Variants in SYN3 observed in about 807,000 individuals in gnomAD.
The protein encoded by SYN3 is synapsin III.
Under a neutral mutation model 65.8 loss-of-function variants are expected in SYN3, and 35 were observed. The observed-to-expected ratio is 0.53, with a 90% confidence interval of 0.41 to 0.70. The LOEUF (loss-of-function observed/expected upper bound fraction) is 0.70. Among genes scored for constraint, SYN3 ranks in the 30% least tolerant of loss-of-function variants. The pLI, the probability that SYN3 is intolerant of heterozygous loss-of-function variation, is 0.00. For synonymous variants in SYN3, 270 were observed against 292.9 expected, an observed-to-expected ratio of 0.92 and a Z score of 0.80; for missense variants, 680 against 749.0, an observed-to-expected ratio of 0.91 and a Z score of 1.08.
Position 32,513,751 on chromosome 22 carries a change from C to T in SYN3, c.1684G>A (p.Ala562Thr), listed in dbSNP as rs777411783. 55 of 1,614,056 alleles carry T rather than the reference C, an allele frequency of 3.4e-5. No individual in the cohort carries two copies. Among genetic ancestry groups the T allele is most frequent in the Non-Finnish European group, 4.3e-5 (51 of 1,180,046 alleles). ...AGGTTGCGGATGGTTTCAGCCTTGG[C>T]CTCGTCTTCACTTGGGGTCCCACGC... Reference protein sequence around the residue: ...SQRGTPSEDEAKAETIRNLRK... With the variant: ...SQRGTPSEDETKAETIRNLRK... Residue 562 changes from alanine to threonine, a missense_variant, in exon 14 of 14, where the codon GCC becomes ACC. Transcript: ENST00000358763.
intron 1 of SYN3, among the ~76,000 whole-genome samples, chr22:33,028,639 CATG>C (rs1233659693): frequency 5.3e-5 from 4 of 74,796 alleles, no homozygotes; most frequent in Admixed American, 2.2e-4. Context: ...TAATAAGAAC[CATG>C]ATGGTGGTGG....
At chr22:32,997,388 A>G (rs1407629555) in intron 2 of SYN3, among the ~76,000 whole-genome samples, 1 of 152,196 alleles carries the variant, frequency 6.6e-6, no homozygotes, top group Non-Finnish European at 1.5e-5. Flanking sequence ...ACTCTTCAGC[A>G]TCTATCTCGT....
intron 6 of SYN3, among the ~76,000 whole-genome samples, chr22:32,830,953 GT>G (rs201162932): frequency 7.2e-5 from 11 of 151,756 alleles, no homozygotes; most frequent in Admixed American, 1.3e-4. Context: ...AAAAATGTGT[GT>G]TTTTTTTTCC....
At chr22:32,680,242 G>A (rs2060505597) in intron 6 of SYN3, among the ~76,000 whole-genome samples, 1 of 152,136 alleles carries the variant, frequency 6.6e-6, no homozygotes, top group Non-Finnish European at 1.5e-5. Flanking sequence ...TGTGGCTCCA[G>A]CTCAAATTCA....
chr22:32,850,846 T>C (rs1402398371), intron 6 of SYN3, among the ~76,000 whole-genome samples: 1 of 152,082 alleles, frequency 6.6e-6, no homozygotes, highest in East Asian at 1.9e-4. Flanking sequence ...AATGTCCAGG[T>C]AGAAGGGAGT....
At chr22:32,890,345 G>T (rs2049409939) in intron 4 of SYN3, among the ~76,000 whole-genome samples, 1 of 151,960 alleles carries the variant, frequency 6.6e-6, no homozygotes, top group Non-Finnish European at 1.5e-5. Context: ...CAAATGCTGG[G>T]GTTACAGGTT....
chr22:32,599,563 C>T (rs1274962154), intron 6 of SYN3, among the ~76,000 whole-genome samples: 7 of 152,010 alleles, frequency 4.6e-5, no homozygotes, highest in African/African-American at 1.7e-4. Flanking sequence ...CCTCGTGATC[C>T]GCCCGCCTCA....
At chr22:32,543,167 T>C (rs2058285860) in intron 7 of SYN3, among the ~76,000 whole-genome samples, 1 of 152,184 alleles carries the variant, frequency 6.6e-6, no homozygotes, top group African/African-American at 2.4e-5. Context: ...CCCACTCACA[T>C]TTCCACCAGC....
chr22:32,880,432 G>C (rs907456242), intron 4 of SYN3, among the ~76,000 whole-genome samples: 1 of 152,216 alleles, frequency 6.6e-6, no homozygotes, highest in African/African-American at 2.4e-5. Context: ...TGGTCTACAG[G>C]GGGGCTCTGG....
intron 4 of SYN3, among the ~76,000 whole-genome samples, chr22:32,907,974 T>C (rs966476616): frequency 3.3e-5 from 5 of 152,214 alleles, no homozygotes; most frequent in Admixed American, 6.5e-5. Context: ...ATTTTACAAA[T>C]GGTGAAACTA....
At chr22:32,664,450 T>C (rs916677731) in intron 6 of SYN3, among the ~76,000 whole-genome samples, 2 of 152,082 alleles carry the variant, frequency 1.3e-5, no homozygotes, top group African/African-American at 2.4e-5. Context: ...TATTTATTTA[T>C]TTATTATTTT....
chr22:32,913,077 G>T (rs1274810235), intron 4 of SYN3, among the ~76,000 whole-genome samples: 2 of 152,136 alleles, frequency 1.3e-5, no homozygotes, highest in Non-Finnish European at 2.9e-5. Context: ...AGCTTTGCAC[G>T]TGTAGGGGCA....
chr22:32,786,664 G>A lies in SYN3; in HGVS notation c.711+78251C>T, dbSNP rs866505223. On this transcript the variant is annotated intron_variant, in intron 6 of 13. Transcript: ENST00000358763. ...GGCGTGAGCCACCACGCCCGGCCCTGCAACTTATTCTTAAACAACCTAAAG... is the reference window on the plus strand; with the variant it reads ...GGCGTGAGCCACCACGCCCGGCCCTACAACTTATTCTTAAACAACCTAAAG... Among the ~76,000 whole-genome samples the A allele has an allele frequency of 2.0e-5, 3 of 152,170 alleles. No individual in the cohort carries two copies. In the South Asian group the frequency reaches 6.2e-4, roughly 32 times the overall value.
chr22:32,720,952 G>A (rs1489196369), intron 6 of SYN3, among the ~76,000 whole-genome samples: 1 of 152,188 alleles, frequency 6.6e-6, no homozygotes, highest in Non-Finnish European at 1.5e-5. Flanking sequence ...TGTGGCCCCA[G>A]AGAAAGGGGA....
chr22:32,639,494 G>C (rs77809965), intron 6 of SYN3, among the ~76,000 whole-genome samples: 1 of 151,990 alleles, frequency 6.6e-6, no homozygotes, highest in Non-Finnish European at 1.5e-5. Context: ...TTTTGGTTAC[G>C]GTAGCCTCTT....
rs758740145 is a variant in SYN3 at position 32,931,392 on chromosome 22, C to T, written c.459G>A (p.Val153=). The T allele has an allele frequency of 5.0e-6, 8 of 1,609,456 alleles. No individual in the cohort carries two copies. The highest frequency in any genetic ancestry group is 6.8e-6 in the Non-Finnish European group (8 of 1,175,856). The change falls in exon 4 of 14, where the codon GTG becomes GTA. Residue 153 remains valine (V), a splice_region_variant and synonymous_variant. Transcript: ENST00000358763. ...MQVVRNGTKV[V]SRSFKPDFIL... is the part of the protein sequence containing the mutation. Reference sequence around the variant, plus strand: ...CTGCATATTTTAATCCTACTTACCTCACCACTTTGGTCCCATTTCTCACGA... The same window carrying T: ...CTGCATATTTTAATCCTACTTACCTTACCACTTTGGTCCCATTTCTCACGA...
chr22:32,990,476 C>G lies in SYN3; in HGVS notation c.312-9774G>C, dbSNP rs1484753204. The stretch of plus-strand genomic sequence containing the variant: ...TCCATCCGCCCACCTACCCACCCAT[C>G]TACCCATCCATCCACACATTCGCCC... On this transcript the variant is annotated intron_variant, in intron 2 of 13. Transcript: ENST00000358763. Among the ~76,000 whole-genome samples the G allele has an allele frequency of 2.0e-5, 3 of 152,044 alleles. No homozygotes were observed. The East Asian group carries it at 5.8e-4, about 29-fold the overall frequency.
intron 5 of SYN3, among the ~76,000 whole-genome samples, chr22:32,865,649 A>G (rs1051090760): frequency 6.6e-6 from 1 of 152,144 alleles, no homozygotes; most frequent in South Asian, 2.1e-4. Flanking sequence ...CTCAAGCCAC[A>G]TCCCTTCCCA....
chr22:32,968,766 T>A (rs1427805163), intron 3 of SYN3, among the ~76,000 whole-genome samples: 2 of 152,192 alleles, frequency 1.3e-5, no homozygotes, highest in Non-Finnish European at 2.9e-5. Flanking sequence ...CATCCCAAGG[T>A]TAGACAAATC....
Sources: gnomAD v4.1 joint callset for allele counts (sites outside exome capture counted in the v4.1 genomes callset) on GRCh38, gnomAD v4.1.1 for gene constraint, MANE v1.5 for transcripts, NCBI Gene and HGNC (gene_info 2026-07-23, HGNC 2026-07-21) for gene names.